Variants in GBF1 observed in about 807,000 individuals in gnomAD.
The protein encoded by GBF1 is golgi brefeldin A resistant guanine nucleotide exchange factor 1.
In GBF1, 114 loss-of-function variants were observed where a neutral mutation model predicts 210.5. The ratio of observed to expected loss-of-function variants is 0.54; its 90% confidence interval spans 0.47 to 0.63. The LOEUF (loss-of-function observed/expected upper bound fraction) is 0.63. GBF1 is among the 30% of genes least tolerant of loss of function. The pLI, the probability that GBF1 is intolerant of heterozygous loss-of-function variation, is 0.00. For missense variants in GBF1, 1,851 were observed against 2,357.7 expected (o/e 0.79, Z 4.45); for synonymous variants, 850 against 889.2 (o/e 0.96, Z 0.78).
chr10:102,234,048 T>A, the GBF1 span, among the ~76,000 whole-genome samples: 4 of 152,174 alleles, frequency 2.6e-5, no homozygotes, highest in African/African-American at 9.7e-5. Context: ...GGGAGGGGCC[T>A]CTCTGCCTCT....
rs147520964 is a variant in GBF1 at position 102,358,117 on chromosome 10, A to T, written c.718A>T (p.Met240Leu). Residue 240 changes from methionine (M) to leucine (L), a missense_variant, in exon 9 of 40, where the codon ATG becomes TTG. By Grantham distance (15) the Met-to-Leu change is conservative (BLOSUM62 2). This residue lies in a region of GBF1 where 804 missense variants were observed against 958.6 expected (regional missense o/e 0.84). Coordinates refer to ENST00000369983, the MANE Select transcript of GBF1 (RefSeq NM_001377137.1). ...GAGATCCCCTCGGCCCCCACGCCAT[A>T]TGACCAAAGTCACACCAGGTTCAGA... The part of the protein sequence containing the change: ...QKRSPRPPRH[M>L]TKVTPGSELP... 1 of 1,612,976 alleles carries T rather than the reference A, an allele frequency of 6.2e-7. No individual in the cohort carries two copies. The highest frequency in any genetic ancestry group is 2.2e-5 in the East Asian group (1 of 44,886).
chr10:102,234,762 A>C, the GBF1 span, among the ~76,000 whole-genome samples: 1 of 152,184 alleles, frequency 6.6e-6, no homozygotes, highest in Non-Finnish European at 1.5e-5. Flanking sequence ...ACCTGTGGGA[A>C]AAGCAGTCCC....
Position 102,379,307 on chromosome 10 carries a change from G to A in GBF1, c.4518G>A (p.Leu1506=), listed in dbSNP as rs745433279. The A allele has an allele frequency of 1.2e-5, 19 of 1,613,538 alleles. No homozygotes were observed. Among genetic ancestry groups the A allele is most frequent in the Admixed American group, 1.2e-4 (7 of 59,982 alleles). ...AGTTGCTAGACCTGATGCACACCCTGCACACGCGGGCAGCCTCTATCTACA... is the reference window on the plus strand; with the variant it reads ...AGTTGCTAGACCTGATGCACACCCTACACACGCGGGCAGCCTCTATCTACA... ...SQDLLDLMHT[L]HTRAASIYSS... The change falls in exon 34 of 40, where the codon CTG becomes CTA. Residue 1506 remains leucine (L), a synonymous_variant. Transcript: ENST00000369983.
chr10:102,366,535 A>G lies in GBF1; in HGVS notation c.2433+29A>G, dbSNP rs758550857. On this transcript the variant is annotated intron_variant, in intron 19 of 39. Coordinates refer to ENST00000369983, the MANE Select transcript of GBF1 (RefSeq NM_001377137.1). This position sits in a 1 kb window ranked among gnomAD's most constrained non-coding sequence, Gnocchi z 4.0. ...AGTTTGAGTGTCAGGGGCTGAGCCC[A>G]GGATCCAAGGTCAGTTTGACTGAGG... is the stretch of plus-strand genomic sequence containing the variant. 22 of 1,599,262 alleles carry G rather than the reference A, an allele frequency of 1.4e-5. No individual in the cohort carries two copies. The highest frequency in any genetic ancestry group is 1.7e-5 in the Non-Finnish European group (20 of 1,169,450).
At chr10:102,360,898 C>G (rs1723523297) in intron 12 of GBF1, 124 bp from the exon 13 acceptor site, 6 of 669,650 alleles carry the variant, frequency 9.0e-6, no homozygotes, top group South Asian at 8.4e-5. Context: ...TATCTTAAAC[C>G]CAGGAGGCAG....
intron 3 of GBF1, among the ~76,000 whole-genome samples, chr10:102,328,168 T>C (rs763025228): frequency 2.2e-4 from 33 of 152,326 alleles, no homozygotes; most frequent in Non-Finnish European, 3.8e-4. Flanking sequence ...CTTGAGCCTT[T>C]TAGCATGAGG....
intron 3 of GBF1, among the ~76,000 whole-genome samples, chr10:102,293,762 A>AAGTTTTTTTTATATTTTTT (rs2076636711): frequency 2.2e-5 from 1 of 44,572 alleles, no homozygotes; most frequent in African/African-American, 8.6e-5. Flanking sequence ...CAGCTGTAGT[A>AAGTTTTTTTTATATTTTTT]TGTTTTGTGT....
chr10:102,372,103 C>T (rs1228661652), intron 29 of GBF1, among the ~76,000 whole-genome samples: 5 of 149,450 alleles, frequency 3.3e-5, no homozygotes, highest in South Asian at 2.1e-4. Context: ...GATTGCTACT[C>T]GGGAGGCTGA....
intron 3 of GBF1, among the ~76,000 whole-genome samples, chr10:102,309,481 G>T (rs1327474597): frequency 6.6e-6 from 1 of 152,156 alleles, no homozygotes; most frequent in African/African-American, 2.4e-5. Context: ...ACCCCATCAG[G>T]GTCAGTCCCC....
At chr10:102,231,812 G>C in the GBF1 span, 1 of 1,593,368 alleles carries the variant, frequency 6.3e-7, no homozygotes, top group Non-Finnish European at 8.5e-7. Flanking sequence ...GGTGGGGGCA[G>C]GTCACAGAGC....
Position 102,362,501 on chromosome 10 carries a change from C to G in GBF1, c.1713C>G (p.Leu571=), listed in dbSNP as rs1193794145. 1 of 1,613,554 alleles carries G rather than the reference C, an allele frequency of 6.2e-7. No homozygotes were observed. Among genetic ancestry groups the G allele is most frequent in the Admixed American group, 1.7e-5 (1 of 60,012 alleles). The change falls in exon 15 of 40, where the codon CTC becomes CTG. Residue 571 remains leucine (L), a synonymous_variant. Transcript: ENST00000369983. Reference sequence around the variant, plus strand: ...ATGCCTTCCCTGTGTCTGGTCAACTCTATACAACACACCTACTATCTCTTG... The same window carrying G: ...ATGCCTTCCCTGTGTCTGGTCAACTGTATACAACACACCTACTATCTCTTG... ...SKNAFPVSGQ[L]YTTHLLSLDA... is the part of the protein sequence containing the mutation.
chr10:102,284,580 A>C (rs112083155), intron 3 of GBF1, among the ~76,000 whole-genome samples: 299 of 152,286 alleles, frequency 2.0e-3, no homozygotes, highest in African/African-American at 6.9e-3. Flanking sequence ...TCCATGCTGT[A>C]ACATGAATCA....
chr10:102,256,508 T>TAA (rs79637779), intron 1 of GBF1, among the ~76,000 whole-genome samples: 1 of 147,208 alleles, frequency 6.8e-6, no homozygotes, highest in African/African-American at 2.5e-5. Flanking sequence ...ATTCTCTTTG[T>TAA]AAAAAAAAAA....
intron 3 of GBF1, among the ~76,000 whole-genome samples, chr10:102,298,232 C>T (rs1353936141): frequency 6.6e-6 from 1 of 151,986 alleles, no homozygotes; most frequent in Non-Finnish European, 1.5e-5. Context: ...CATGCCCGGC[C>T]GAAACTAATA....
At chr10:102,353,537 T>A in intron 7 of GBF1, 63 bp from the exon 8 acceptor site, 2 of 1,140,840 alleles carry the variant, frequency 1.8e-6, no homozygotes, top group Non-Finnish European at 2.7e-6. Flanking sequence ...GGTTTGTGGC[T>A]GGCATGGAGG....
chr10:102,375,216 A>AG, intron 29 of GBF1, 143 bp from the exon 30 acceptor site: 2 of 552,850 alleles, frequency 3.6e-6, no homozygotes, highest in Non-Finnish European at 6.4e-6. Context: ...AAAAAAAAAA[A>AG]GACCAGAGCA....
intron 14 of GBF1, 34 bp downstream of exon 14, chr10:102,361,946 A>C (rs992632332): frequency 8.7e-6 from 12 of 1,374,476 alleles, no homozygotes; most frequent in Non-Finnish European, 1.2e-5. Flanking sequence ...CTAGGAAAAA[A>C]CGCATTATAA....
Position 102,358,618 on chromosome 10 carries a change from C to T in GBF1, c.900C>T (p.Thr300=). The T allele has an allele frequency of 6.2e-7, 1 of 1,613,590 alleles. No homozygotes were observed. Among genetic ancestry groups the T allele is most frequent in the Non-Finnish European group, 8.5e-7 (1 of 1,179,470 alleles). ...GTGGCCTGGAATTCTCCTCCCAAAC[C>T]ACTTCCAAGGAAGACCTTACTGATC... is the stretch of plus-strand genomic sequence containing the variant. ...TDSGLEFSSQ[T]TSKEDLTDLE... The change falls in exon 10 of 40, where the codon ACC becomes ACT. Residue 300 remains threonine (T), a synonymous_variant. Coordinates refer to ENST00000369983, the MANE Select transcript of GBF1 (RefSeq NM_001377137.1).
intron 3 of GBF1, among the ~76,000 whole-genome samples, chr10:102,284,772 A>G (rs1018888394): frequency 6.6e-6 from 1 of 152,114 alleles, no homozygotes; most frequent in African/African-American, 2.4e-5. Flanking sequence ...CTTTGGATAT[A>G]TACCTAGGAC....
Sources: gnomAD v4.1 joint callset for allele counts (sites outside exome capture counted in the v4.1 genomes callset) on GRCh38, gnomAD v4.1.1 for gene constraint, gnomAD v4.1.1 regional missense constraint, Gnocchi (gnomAD v3.1) non-coding constraint, MANE v1.5 for transcripts, NCBI Gene and HGNC (gene_info 2026-07-23, HGNC 2026-07-21) for gene names.